TEX29: variants seen among roughly 807,000 people sequenced by gnomAD.
TEX29 encodes testis expressed 29, also known as testis-expressed protein 29.
In TEX29, 26 loss-of-function variants were observed where a neutral mutation model predicts 18.2. That is an observed-to-expected ratio of 1.43 (90% CI 1.04 to 1.98). The LOEUF (loss-of-function observed/expected upper bound fraction) is 1.98. Ranked by LOEUF, TEX29 falls within the 30% of genes most tolerant of loss-of-function variation. TEX29 has a pLI of 0.00. For missense variants in TEX29, 177 were observed against 194.2 expected (o/e 0.91, Z 0.53); for synonymous variants, 83 against 78.5 (o/e 1.06, Z -0.31).
At chr13:111,317,902 C>G (rs182685590), upstream of TEX29, among the ~76,000 whole-genome samples, 2 of 152,208 alleles carry the variant, frequency 1.3e-5, no homozygotes, top group Non-Finnish European at 2.9e-5. Context: ...GACACCCTCC[C>G]GGTGTCTCTC....
chr13:111,333,825 A>G (rs1224470512), intron 3 of TEX29, among the ~76,000 whole-genome samples: 1 of 152,158 alleles, frequency 6.6e-6, no homozygotes, highest in East Asian at 1.9e-4. Flanking sequence ...TCTTGTGAGA[A>G]CTCAGTATCA....
In TEX29 at chr13:111,328,097, C is replaced by T. The variant is rs961230395; in HGVS notation, c.59-86C>T. The T allele has an allele frequency of 2.0e-5, 17 of 839,302 alleles. No homozygotes were observed. The African/African-American group carries it at 2.7e-4, about 13-fold the overall frequency. 52.0% of individuals were successfully genotyped at this position (839,302 alleles called of 1,614,324 possible). A position where few individuals can be genotyped will look rare whatever the true frequency, so the allele number is the denominator to read the frequency against. ...CCACAACACAAACCCACAGCTGCTC[C>T]CCACACCGGTTCCCAGGTTCTTTAG... On this transcript the variant is annotated intron_variant, in intron 2 of 5. Transcript: ENST00000283547.
intron 3 of TEX29, among the ~76,000 whole-genome samples, chr13:111,336,121 T>G (rs1009542808): frequency 6.6e-6 from 1 of 152,222 alleles, no homozygotes; most frequent in African/African-American, 2.4e-5. Flanking sequence ...GCTCACTGTT[T>G]TGCAAGGGGG....
At chr13:111,319,553 C>T (rs2153641017), upstream of TEX29, among the ~76,000 whole-genome samples, 1 of 152,258 alleles carries the variant, frequency 6.6e-6, no homozygotes, top group Non-Finnish European at 1.5e-5. Context: ...GCCTCCAGCC[C>T]CCCAGCAGCG....
Position 111,322,376 on chromosome 13 carries a change from C to T in TEX29, c.58+1428C>T, listed in dbSNP as rs539314051. Reference sequence around the variant, plus strand: ...AGATGGCCTGTAGCCAGGGCAAGCACGGGGGAGAAAGCGCTCCCTCTTCCA... The same window carrying T: ...AGATGGCCTGTAGCCAGGGCAAGCATGGGGGAGAAAGCGCTCCCTCTTCCA... On this transcript the variant is annotated intron_variant, in intron 2 of 5. Coordinates refer to ENST00000283547, the MANE Select transcript of TEX29 (RefSeq NM_152324.3). Among the ~76,000 whole-genome samples, 22 of 152,200 alleles carry T rather than the reference C, an allele frequency of 1.4e-4. No homozygotes were observed. In the South Asian group the frequency reaches 1.7e-3, roughly 11 times the overall value.
chr13:111,332,279 A>C (rs2093683857), intron 3 of TEX29, among the ~76,000 whole-genome samples: 1 of 152,084 alleles, frequency 6.6e-6, no homozygotes, highest in African/African-American at 2.4e-5. Flanking sequence ...AATTTATTCC[A>C]AAGTATTTTA....
At chr13:111,333,781 G>C (rs774179099) in intron 3 of TEX29, among the ~76,000 whole-genome samples, 3 of 150,334 alleles carry the variant, frequency 2.0e-5, no homozygotes, top group African/African-American at 7.5e-5. Flanking sequence ...AAGGTTGTGG[G>C]AAGGGAACTG....
rs758137934 is a variant in TEX29 at position 111,342,796 on chromosome 13, G to T, written c.280G>T (p.Asp94Tyr). 24 of 1,613,960 alleles carry T rather than the reference G, an allele frequency of 1.5e-5. No individual in the cohort carries two copies. Among genetic ancestry groups the T allele is most frequent in the Non-Finnish European group, 2.0e-5 (24 of 1,180,028 alleles). ...CAGGAAAGAAAAGGCCATCCCTGTG[G>T]ATGTCGCGCTGCCACAGAAGTCCAG... is the stretch of plus-strand genomic sequence containing the variant. Reference protein sequence around the residue: ...ESRKEKAIPVDVALPQKSSEK... With the variant: ...ESRKEKAIPVYVALPQKSSEK... Residue 94 changes from aspartate (D) to tyrosine (Y), a missense_variant, in exon 5 of 6, where the codon GAT becomes TAT. Asp to Tyr is a radical substitution (Grantham distance 160). Transcript: ENST00000283547.
upstream of TEX29, among the ~76,000 whole-genome samples, chr13:111,317,637 T>A (rs2093656769): frequency 6.6e-6 from 1 of 152,238 alleles, no homozygotes; most frequent in Non-Finnish European, 1.5e-5. Context: ...CACGGGCGTG[T>A]TTGCTTCCTG....
intron 2 of TEX29, among the ~76,000 whole-genome samples, chr13:111,321,501 G>T (rs1361347092): frequency 1.3e-5 from 2 of 152,176 alleles, no homozygotes; most frequent in Non-Finnish European, 2.9e-5. Context: ...CTGGAAGTTT[G>T]CACCTCCCCC....
intron 2 of TEX29, 56 bp downstream of exon 2, chr13:111,321,004 G>GC (rs1555411262): frequency 1.5e-4 from 80 of 545,376 alleles, no homozygotes; most frequent in Middle Eastern, 4.9e-4. Flanking sequence ...TTGGGGGGGG[G>GC]CACAGGGAGG....
At chr13:111,320,995 T>TC in intron 2 of TEX29, 47 bp downstream of exon 2, 1 of 320,864 alleles carries the variant, frequency 3.1e-6, no homozygotes, top group East Asian at 7.5e-5. Context: ...GGGGAGCAGT[T>TC]GGGGGGGGGC....
intron 3 of TEX29, chr13:111,339,361 A>G (rs1026839589): frequency 4.4e-6 from 2 of 455,084 alleles, no homozygotes; most frequent in African/African-American, 4.0e-5. Flanking sequence ...CAGCAGGAAC[A>G]GAGGGGCCAG....
upstream of TEX29, among the ~76,000 whole-genome samples, chr13:111,320,507 C>T (rs1276171793): frequency 6.6e-6 from 1 of 152,202 alleles, no homozygotes. Flanking sequence ...GAGTGGCCTT[C>T]GTCCTCAATG....
intron 4 of TEX29, among the ~76,000 whole-genome samples, chr13:111,342,151 C>T (rs536476943): frequency 2.8e-4 from 42 of 152,350 alleles, no homozygotes; most frequent in Admixed American, 1.1e-3. Context: ...TCTCACTCCC[C>T]GGCCACCACC....
At chr13:111,326,170 G>A (rs1476354318) in intron 2 of TEX29, among the ~76,000 whole-genome samples, 1 of 152,258 alleles carries the variant, frequency 6.6e-6, no homozygotes, top group African/African-American at 2.4e-5. Context: ...TCACGAGCTG[G>A]GTGCTGGCTG....
At chr13:111,336,452 T>A (rs2093689771) in intron 3 of TEX29, among the ~76,000 whole-genome samples, 1 of 152,270 alleles carries the variant, frequency 6.6e-6, no homozygotes, top group Admixed American at 6.5e-5. Context: ...TTGGCTGGTT[T>A]GAAGTGCACA....
chr13:111,320,503 C>T (rs1339458377), upstream of TEX29, among the ~76,000 whole-genome samples: 8 of 152,194 alleles, frequency 5.3e-5, no homozygotes, highest in Non-Finnish European at 1.2e-4. Context: ...ATCTGAGTGG[C>T]CTTCGTCCTC....
chr13:111,318,634 C>T (rs2093658594), upstream of TEX29, among the ~76,000 whole-genome samples: 1 of 152,230 alleles, frequency 6.6e-6, no homozygotes, highest in South Asian at 2.1e-4. Context: ...CACTCCTTCC[C>T]CGGAAGCTCA....
Sources: gnomAD v4.1 joint callset for allele counts (sites outside exome capture counted in the v4.1 genomes callset) on GRCh38, gnomAD v4.1.1 for gene constraint, MANE v1.5 for transcripts, NCBI Gene and HGNC (gene_info 2026-07-23, HGNC 2026-07-21) for gene names.